RGS9: variants seen among roughly 807,000 people sequenced by gnomAD.
The protein encoded by RGS9 is regulator of G protein signaling 9.
Under a neutral mutation model 102.0 loss-of-function variants are expected in RGS9, and 78 were observed. The observed-to-expected ratio is 0.76, with a 90% CI of 0.64 to 0.92. The LOEUF (loss-of-function observed/expected upper bound fraction) is 0.92, where lower values mean the gene tolerates loss of function less well. RGS9 is among the 40% of genes least tolerant of loss of function. The probability of loss-of-function intolerance (pLI) is 0.00; values close to 1 mark genes in which losing one functional copy is unlikely to be tolerated. For missense variants in RGS9, 833 were observed against 866.1 expected (o/e 0.96, Z 0.48); for synonymous variants, 353 against 318.6 (o/e 1.11, Z -1.15).
At chr17:65,210,078 C>T (rs908743712) in intron 16 of RGS9, among the ~76,000 whole-genome samples, 19 of 151,976 alleles carry the variant, frequency 1.3e-4, no homozygotes, top group South Asian at 2.1e-4. Context: ...ACTCTGTCCC[C>T]GCTGCCCACC....
chr17:65,188,565 C>T (rs1249599547), intron 9 of RGS9: 2 of 152,440 alleles, frequency 1.3e-5, no homozygotes, highest in South Asian at 4.1e-4. Flanking sequence ...CAAAAGAAAC[C>T]AACACCCAAG....
chr17:65,152,573 C>T (rs1040157680), intron 1 of RGS9, among the ~76,000 whole-genome samples: 1 of 152,178 alleles, frequency 6.6e-6, no homozygotes, highest in African/African-American at 2.4e-5. Context: ...CTCTGTCACC[C>T]AGGCTGAGTG....
intron 8 of RGS9, among the ~76,000 whole-genome samples, chr17:65,177,319 G>C (rs1489526473): frequency 6.8e-6 from 1 of 147,694 alleles, no homozygotes; most frequent in Non-Finnish European, 1.5e-5. Flanking sequence ...CCATTCATCT[G>C]TCTGGCCATC....
chr17:65,170,288 C>T (rs781040098), intron 8 of RGS9, among the ~76,000 whole-genome samples: 1 of 152,176 alleles, frequency 6.6e-6, no homozygotes, highest in Non-Finnish European at 1.5e-5. Flanking sequence ...CTCCTGACCT[C>T]GTGATCTGCC....
intron 15 of RGS9, among the ~76,000 whole-genome samples, chr17:65,207,101 C>G (rs930690444): frequency 6.6e-6 from 1 of 152,208 alleles, no homozygotes; most frequent in Non-Finnish European, 1.5e-5. Context: ...CAGTAAACAG[C>G]CCCATAACTG....
intron 16 of RGS9, among the ~76,000 whole-genome samples, chr17:65,208,283 C>T (rs1913147443): frequency 6.6e-6 from 1 of 152,196 alleles, no homozygotes. Context: ...ACCCTTATCA[C>T]AAATGGAAGC....
intron 11 of RGS9, among the ~76,000 whole-genome samples, chr17:65,193,195 T>C (rs1252138399): frequency 7.1e-6 from 1 of 141,504 alleles, no homozygotes; most frequent in African/African-American, 2.7e-5. Context: ...TGCTTGAGCC[T>C]GGGAGGCGGA....
chr17:65,202,424 T>TGC (rs1296760324), intron 14 of RGS9, among the ~76,000 whole-genome samples: 3 of 132,190 alleles, frequency 2.3e-5, no homozygotes, highest in Admixed American at 7.9e-5. Flanking sequence ...TGTGTGTGTG[T>TGC]GTGTGTGTGT....
At chr17:65,187,568 A>G (rs775959295) in intron 9 of RGS9, among the ~76,000 whole-genome samples, 4 of 152,216 alleles carry the variant, frequency 2.6e-5, no homozygotes, top group Non-Finnish European at 4.4e-5. Flanking sequence ...CTCCTTTTCA[A>G]TGGGCTCATG....
chr17:65,170,076 A>G (rs1210960119), intron 8 of RGS9, among the ~76,000 whole-genome samples: 30 of 119,898 alleles, frequency 2.5e-4, no homozygotes, highest in African/African-American at 9.6e-4. Context: ...TTTTTCTGAG[A>G]TGGAGCCTTG....
intron 17 of RGS9, among the ~76,000 whole-genome samples, chr17:65,211,366 G>T (rs1233432448): frequency 6.6e-6 from 1 of 152,200 alleles, no homozygotes; most frequent in African/African-American, 2.4e-5. Context: ...CCTTGTCCAT[G>T]CTGGGGAAAT....
At chr17:65,196,692 C>T (rs976978955) in intron 12 of RGS9, among the ~76,000 whole-genome samples, 7 of 149,816 alleles carry the variant, frequency 4.7e-5, no homozygotes, top group African/African-American at 1.5e-4. Flanking sequence ...GGGCAGCTGT[C>T]GTGGGTGATA....
chr17:65,190,412 G>A (rs559295804), intron 11 of RGS9, among the ~76,000 whole-genome samples, 176 bp downstream of exon 11: 2 of 152,246 alleles, frequency 1.3e-5, no homozygotes, highest in African/African-American at 2.4e-5. Context: ...ATAAACCTCC[G>A]GGTCTCATCT....
chr17:65,171,109 A>C (rs1911404089), intron 8 of RGS9, among the ~76,000 whole-genome samples: 1 of 152,192 alleles, frequency 6.6e-6, no homozygotes, highest in South Asian at 2.1e-4. Flanking sequence ...TCCGTGTCAG[A>C]CTGTAACCAA....
At chr17:65,160,091 C>G (rs8069964) in intron 3 of RGS9, 142 bp from the exon 4 acceptor site, 209,970 of 756,350 alleles carry the variant, frequency 0.28, 38,721 homozygotes, top group African/African-American at 0.68. Flanking sequence ...CCAAGTTCAG[C>G]AACCAGTGTC....
intron 13 of RGS9, among the ~76,000 whole-genome samples, chr17:65,198,030 A>T (rs1157170940): frequency 6.6e-6 from 1 of 151,996 alleles, no homozygotes; most frequent in Non-Finnish European, 1.5e-5. Context: ...ATATTTTAAA[A>T]CATGTTTTCC....
At chr17:65,155,806 G>A (rs1283512411) in intron 2 of RGS9, among the ~76,000 whole-genome samples, 1 of 152,196 alleles carries the variant, frequency 6.6e-6, no homozygotes, top group South Asian at 2.1e-4. Flanking sequence ...TATGCAGTGG[G>A]TGCTGGATGG....
intron 1 of RGS9, among the ~76,000 whole-genome samples, chr17:65,145,062 C>T (rs1910300572): frequency 6.6e-6 from 1 of 152,122 alleles, no homozygotes; most frequent in Non-Finnish European, 1.5e-5. Context: ...TTAGGGTCCA[C>T]TCCATGACCT....
intron 1 of RGS9, among the ~76,000 whole-genome samples, chr17:65,151,889 T>C (rs1260234849): frequency 6.6e-6 from 1 of 152,182 alleles, no homozygotes; most frequent in Non-Finnish European, 1.5e-5. Context: ...ATCACTTGCT[T>C]ACTGGGTACT....
Sources: allele counts gnomAD v4.1 joint callset (sites outside exome capture counted in the v4.1 genomes callset), GRCh38; gene constraint gnomAD v4.1.1; transcripts MANE v1.5; gene names NCBI Gene and HGNC (gene_info 2026-07-23, HGNC 2026-07-21).